The following PDE4D variants were observed in gnomAD, a reference collection of about 807,000 sequenced individuals.
The protein encoded by PDE4D is 3',5'-cyclic-AMP phosphodiesterase 4D.
Under a neutral mutation model 87.4 loss-of-function variants are expected in PDE4D, and 24 were observed. The ratio of observed to expected loss-of-function variants is 0.27; its 90% CI spans 0.20 to 0.39. PDE4D has a LOEUF of 0.39. Ranked by LOEUF, PDE4D falls within the 10% of genes least tolerant of loss-of-function variation. The pLI, the probability that PDE4D is intolerant of heterozygous loss-of-function variation, is 1.00. For missense variants in PDE4D, 714 were observed against 1,041.0 expected, an observed-to-expected ratio of 0.69 and a Z score of 4.32; for synonymous variants, 384 against 383.2, an observed-to-expected ratio of 1.00 and a Z score of -0.02.
chr5:59,324,936 C>T (rs1775378284), intron 1 of PDE4D, among the ~76,000 whole-genome samples: 1 of 152,068 alleles, frequency 6.6e-6, no homozygotes. Context: ...GGCTGCATGG[C>T]ATCATGGTAA....
chr5:59,989,934 T>C (rs1762839962), intron 2 of PDE4D, among the ~76,000 whole-genome samples: 1 of 152,182 alleles, frequency 6.6e-6, no homozygotes, highest in Admixed American at 6.5e-5. Flanking sequence ...ATTATAAAAA[T>C]GGGACTAATA....
intron 1 of PDE4D, among the ~76,000 whole-genome samples, chr5:59,296,308 C>A (rs1029236978): frequency 6.6e-6 from 1 of 151,862 alleles, no homozygotes; most frequent in African/African-American, 2.4e-5. Flanking sequence ...GATTAGTTTC[C>A]AATGGTAAAC....
chr5:59,027,422 AC>A (rs899681541), intron 6 of PDE4D, among the ~76,000 whole-genome samples: 1 of 152,106 alleles, frequency 6.6e-6, no homozygotes, highest in African/African-American at 2.4e-5. Context: ...GCTCACACTT[AC>A]GGTGTAGGGG....
intron 4 of PDE4D, among the ~76,000 whole-genome samples, chr5:59,182,765 C>T (rs191888561): frequency 6.6e-6 from 1 of 152,164 alleles, no homozygotes; most frequent in East Asian, 1.9e-4. Context: ...ATGGTTGCCT[C>T]GATACCTCCT....
intron 1 of PDE4D, among the ~76,000 whole-genome samples, chr5:59,278,230 G>C (rs1318168644): frequency 6.6e-6 from 1 of 151,988 alleles, no homozygotes. Context: ...TGTTATCTAA[G>C]CATCCTGTAG....
chr5:59,936,177 C>T (rs554433878), intron 3 of PDE4D, among the ~76,000 whole-genome samples: 4 of 151,392 alleles, frequency 2.6e-5, no homozygotes, highest in Admixed American at 6.6e-5. Flanking sequence ...CACATGGACA[C>T]GGGAAGGGGA....
At chr5:59,687,510 G>A (rs1407551969) in intron 1 of PDE4D, among the ~76,000 whole-genome samples, 1 of 152,154 alleles carries the variant, frequency 6.6e-6, no homozygotes, top group African/African-American at 2.4e-5. Context: ...ATCCTTTACA[G>A]ACAAGCAAAT....
chr5:59,487,539 T>G (rs1805373289), intron 1 of PDE4D, among the ~76,000 whole-genome samples: 1 of 152,126 alleles, frequency 6.6e-6, no homozygotes, highest in African/African-American at 2.4e-5. Context: ...AGCCCTATCA[T>G]TTTCCTAGTT....
intron 6 of PDE4D, among the ~76,000 whole-genome samples, chr5:59,037,206 A>C (rs1051944934): frequency 6.6e-6 from 1 of 152,224 alleles, no homozygotes; most frequent in Non-Finnish European, 1.5e-5. Context: ...TATGGATTTT[A>C]GGGAAAGTAA....
intron 1 of PDE4D, among the ~76,000 whole-genome samples, chr5:60,284,135 CT>C (rs2149754969): frequency 6.6e-6 from 1 of 152,248 alleles, no homozygotes; most frequent in Non-Finnish European, 1.5e-5. Flanking sequence ...AAATAGTACA[CT>C]TTGGGAGCTT....
chr5:60,116,489 T>C (rs10223314), intron 2 of PDE4D, among the ~76,000 whole-genome samples: 77,929 of 151,830 alleles, frequency 0.51, 20,433 homozygotes, highest in Admixed American at 0.56. Context: ...TAACAGAAAT[T>C]TGACCAACGT....
rs575292455 is a variant in PDE4D at position 60,164,548 on chromosome 5, T to C, written c.42+21009A>G. 1.1e-3 allele frequency among the ~76,000 whole-genome samples: 174 copies of C among 152,310 alleles called. 1 individual carries two copies. Among genetic ancestry groups the C allele is most frequent in the African/African-American group, 4.1e-3 (171 of 41,570 alleles). On this transcript the variant is annotated intron_variant, in intron 2 of 16. Coordinates refer to the PDE4D transcript ENST00000502484. ...AAGAGGATACCAGTTTAGAAAAATA[T>C]ATGCGGCTGAATATCTGTGTCACTA...
intron 1 of PDE4D, among the ~76,000 whole-genome samples, chr5:60,341,084 G>T (rs751934915): frequency 2.0e-5 from 3 of 152,082 alleles, no homozygotes; most frequent in Non-Finnish European, 2.9e-5. Context: ...TTGCCATCCA[G>T]TGAGTCAGAG....
At chr5:60,108,725 T>C (rs1227795742) in intron 2 of PDE4D, among the ~76,000 whole-genome samples, 1 of 152,096 alleles carries the variant, frequency 6.6e-6, no homozygotes, top group Non-Finnish European at 1.5e-5. Flanking sequence ...AACTATCTGA[T>C]CTTTGACAAA....
chr5:60,106,569 C>T (rs1776948133), intron 2 of PDE4D, among the ~76,000 whole-genome samples: 1 of 151,744 alleles, frequency 6.6e-6, no homozygotes, highest in African/African-American at 2.4e-5. Flanking sequence ...TTTTCAGCAC[C>T]ACACCACACC....
At chr5:60,434,417 G>A (rs1052001171) in intron 1 of PDE4D, among the ~76,000 whole-genome samples, 1 of 151,692 alleles carries the variant, frequency 6.6e-6, no homozygotes, top group Admixed American at 6.6e-5. Context: ...GGGCTGAGGG[G>A]AAGACACCAG....
chr5:59,846,902 C>T (rs1398893978), intron 1 of PDE4D, among the ~76,000 whole-genome samples: 2 of 151,936 alleles, frequency 1.3e-5, no homozygotes, highest in African/African-American at 2.4e-5. Flanking sequence ...TAAACTCCCT[C>T]GATTTTTTAA....
intron 1 of PDE4D, among the ~76,000 whole-genome samples, chr5:60,509,986 G>A (rs1468480959): frequency 1.3e-5 from 2 of 152,110 alleles, no homozygotes; most frequent in Non-Finnish European, 2.9e-5. Context: ...GGTGAAGCAG[G>A]AAGAAGAGAA....
chr5:60,414,370 T>G (rs1742307303), intron 1 of PDE4D, among the ~76,000 whole-genome samples: 1 of 152,238 alleles, frequency 6.6e-6, no homozygotes, highest in Admixed American at 6.5e-5. Context: ...TAAGATTTTT[T>G]ATCTTAACTG....
Sources: allele counts gnomAD v4.1 joint callset (sites outside exome capture counted in the v4.1 genomes callset), GRCh38; gene constraint gnomAD v4.1.1; transcripts MANE v1.5; gene names NCBI Gene and HGNC (gene_info 2026-07-23, HGNC 2026-07-21).